Variants in DGUOK observed in about 807,000 individuals in gnomAD.
DGUOK encodes deoxyguanosine kinase, mitochondrial.
A neutral mutation model predicts 36.6 loss-of-function variants in DGUOK; 30 were observed. That is an observed-to-expected ratio of 0.82 (90% CI 0.61 to 1.11). DGUOK has a LOEUF of 1.11. DGUOK is among the 50% of genes most tolerant of loss of function. The probability of loss-of-function intolerance (pLI) is 0.00; values close to 1 mark genes in which losing one functional copy is unlikely to be tolerated. For synonymous variants in DGUOK, 145 were observed against 126.3 expected, an observed-to-expected ratio of 1.15 and a Z score of -0.99; for missense variants, 361 against 336.4, an observed-to-expected ratio of 1.07 and a Z score of -0.57.
chr2:73,950,983 C>G (rs1192863449), intron 4 of DGUOK, among the ~76,000 whole-genome samples: 1 of 152,116 alleles, frequency 6.6e-6, no homozygotes, highest in Non-Finnish European at 1.5e-5. Flanking sequence ...CAGAGCAAAT[C>G]GAGTGTCATC....
chr2:73,940,903 A>G (rs1349733398), intron 2 of DGUOK, among the ~76,000 whole-genome samples: 2 of 152,228 alleles, frequency 1.3e-5, no homozygotes, highest in African/African-American at 4.8e-5. Context: ...CTAACGACAC[A>G]TTTCTCAGAA....
intron 1 of DGUOK, among the ~76,000 whole-genome samples, chr2:73,928,988 C>T (rs1314483221): frequency 6.6e-6 from 1 of 152,174 alleles, no homozygotes; most frequent in Non-Finnish European, 1.5e-5. Flanking sequence ...GATTTGGTGA[C>T]AGGTTGAATG....
Position 73,930,782 on chromosome 2 carries a change from C to CTTTTTTTTT in DGUOK, c.142+3733_142+3741dup, listed in dbSNP as rs1020072202. Among the ~76,000 whole-genome samples, 3 of 95,476 alleles carry CTTTTTTTTT rather than the reference C, an allele frequency of 3.1e-5. 1 individual carries two copies. The highest frequency in any genetic ancestry group is 7.5e-5 in the African/African-American group (2 of 26,748). 62.6% of individuals were successfully genotyped at this position (95,476 alleles called of 152,430 possible). ...GAGAAAACAGATTCGACATAATTTT[C>CTTTTTTTTT]TTTTTTTTTTTCTTTTTTTTTTTTT... On this transcript the variant is annotated intron_variant, in intron 1 of 6. Coordinates refer to ENST00000264093, the MANE Select transcript of DGUOK (RefSeq NM_080916.3).
At chr2:73,929,331 A>G (rs1428132185) in intron 1 of DGUOK, among the ~76,000 whole-genome samples, 2 of 152,156 alleles carry the variant, frequency 1.3e-5, no homozygotes, top group African/African-American at 2.4e-5. Context: ...GCTGGTCTTG[A>G]TCTCCTGGGC....
rs771393394 is a variant in DGUOK at position 73,938,767 on chromosome 2, C to T, written c.143-143C>T. The T allele has an allele frequency of 1.5e-5, 10 of 689,422 alleles. No individual in the cohort carries two copies. The African/African-American group carries it at 1.8e-4, about 12-fold the overall frequency. The allele number at this position is 689,422 out of a possible 1,614,324, so 42.7% of individuals were successfully genotyped here. ...ATGAATTGATCTGTTATCAGTCTGA[C>T]AATGGTACGGCTGCTGAGTTTGAAA... is the stretch of plus-strand genomic sequence containing the variant. On this transcript the variant is annotated intron_variant, in intron 1 of 6. Transcript: ENST00000264093.
chr2:73,942,198 C>T (rs1681956045), intron 2 of DGUOK, among the ~76,000 whole-genome samples: 2 of 152,190 alleles, frequency 1.3e-5, no homozygotes, highest in African/African-American at 4.8e-5. Context: ...GCGTGAGCCA[C>T]TGCGCCCGAC....
intron 1 of DGUOK, among the ~76,000 whole-genome samples, chr2:73,935,654 G>A (rs944309779): frequency 1.3e-5 from 2 of 152,206 alleles, no homozygotes; most frequent in Non-Finnish European, 2.9e-5. Flanking sequence ...CTGCCCTGTA[G>A]TGAATTACCC....
chr2:73,958,347 G>C, intron 6 of DGUOK, 102 bp downstream of exon 6: 1 of 879,644 alleles, frequency 1.1e-6, no homozygotes, highest in Non-Finnish European at 1.9e-6. Context: ...CTTGTGCTTT[G>C]CATCTCACAT....
At chr2:73,938,770 T>C in intron 1 of DGUOK, 140 bp from the exon 2 acceptor site, 2 of 696,698 alleles carry the variant, frequency 2.9e-6, no homozygotes, top group Admixed American at 3.9e-5. Flanking sequence ...AGTCTGACAA[T>C]GGTACGGCTG....
In DGUOK at chr2:73,953,788, T is replaced by C. The variant is rs189461808; in HGVS notation, c.591+3056T>C. 5.9e-4 allele frequency among the ~76,000 whole-genome samples: 88 copies of C among 148,294 alleles called. 1 individual carries two copies. The East Asian group carries it at 0.017, about 29-fold the overall frequency. On this transcript the variant is annotated intron_variant, in intron 4 of 6. Coordinates refer to ENST00000264093, the MANE Select transcript of DGUOK (RefSeq NM_080916.3). The stretch of plus-strand genomic sequence containing the variant: ...GCCCAGGCTGGAGTGGCACGATCTC[T>C]GCTCACTGCAAGCTCCGCCTCCCGG...
At chr2:73,933,792 C>T (rs993483659) in intron 1 of DGUOK, among the ~76,000 whole-genome samples, 1 of 152,056 alleles carries the variant, frequency 6.6e-6, no homozygotes, top group Non-Finnish European at 1.5e-5. Flanking sequence ...AGCTCTCAGC[C>T]TAGATCATCA....
chr2:73,932,560 C>CT (rs1320441743), intron 1 of DGUOK: 2 of 1,232,778 alleles, frequency 1.6e-6, no homozygotes, highest in East Asian at 1.1e-4. Flanking sequence ...TATTAAACTG[C>CT]TTTTTAAATC....
intron 1 of DGUOK, among the ~76,000 whole-genome samples, chr2:73,929,342 T>C (rs1422806013): frequency 1.3e-5 from 2 of 152,216 alleles, no homozygotes; most frequent in Non-Finnish European, 2.9e-5. Flanking sequence ...TCTCCTGGGC[T>C]CAATTGATCC....
At chr2:73,941,888 C>CAT (rs1681927079) in intron 2 of DGUOK, among the ~76,000 whole-genome samples, 1 of 149,776 alleles carries the variant, frequency 6.7e-6, no homozygotes, top group Non-Finnish European at 1.5e-5. Flanking sequence ...TTAACTCTGT[C>CAT]ATATATTTGT....
intron 1 of DGUOK, among the ~76,000 whole-genome samples, chr2:73,934,638 A>G (rs1681313073): frequency 6.6e-6 from 1 of 151,704 alleles, no homozygotes; most frequent in South Asian, 2.1e-4. Flanking sequence ...TTATAGTCCC[A>G]GTTACTCGGG....
rs749144357 is a variant in DGUOK, at chr2:73,938,924, A to G, written c.157A>G (p.Thr53Ala). Residue 53 changes from threonine (T) to alanine (A), a missense_variant, in exon 2 of 7, where the codon ACG (threonine) becomes GCG (alanine). Transcript: ENST00000264093. Reference sequence around the variant, plus strand: ...TTGCATTGCAGCTGTGGGAAAGTCCACGTTTGTGAAGTTACTCACGAAAAC... The same window carrying G: ...TTGCATTGCAGCTGTGGGAAAGTCCGCGTTTGTGAAGTTACTCACGAAAAC... Reference protein sequence around the residue: ...IEGNIAVGKSTFVKLLTKTYP... With the variant: ...IEGNIAVGKSAFVKLLTKTYP... 6.2e-7 allele frequency: 1 copy of G among 1,613,264 alleles called. No homozygotes were observed.
At chr2:73,942,727 C>T (rs530935340) in intron 2 of DGUOK, among the ~76,000 whole-genome samples, 1 of 152,234 alleles carries the variant, frequency 6.6e-6, no homozygotes, top group South Asian at 2.1e-4. Context: ...GTAGAACTTC[C>T]AGAGCAATAT....
chr2:73,929,920 T>A lies in DGUOK; in HGVS notation c.142+2868T>A, dbSNP rs202066917. ...AGAGGGTGTGAGTGTTTAACATTTT[T>A]AATTTTCTTTTTGTGAAAAGAATTA... is the stretch of plus-strand genomic sequence containing the variant. On this transcript the variant is annotated intron_variant, in intron 1 of 6. Transcript: ENST00000264093. 4.1e-4 allele frequency among the ~76,000 whole-genome samples: 62 copies of A among 152,346 alleles called. No homozygotes were observed. The East Asian group carries it at 0.01, about 26-fold the overall frequency.
At chr2:73,940,871 G>A (rs904662333) in intron 2 of DGUOK, among the ~76,000 whole-genome samples, 1 of 152,076 alleles carries the variant, frequency 6.6e-6, no homozygotes, top group Non-Finnish European at 1.5e-5. Flanking sequence ...ATTTTCTGAT[G>A]GTCACACAGT....
Sources: gnomAD v4.1 joint callset for allele counts (sites outside exome capture counted in the v4.1 genomes callset) on GRCh38, gnomAD v4.1.1 for gene constraint, MANE v1.5 for transcripts, NCBI Gene and HGNC (gene_info 2026-07-23, HGNC 2026-07-21) for gene names.